WDR59: variants seen among roughly 807,000 people sequenced by gnomAD.
WDR59 encodes the protein GATOR2 complex protein WDR59.
In WDR59, 100 loss-of-function variants were observed where a neutral mutation model predicts 131.2. That is an observed-to-expected ratio of 0.76 (90% CI 0.65 to 0.90). The LOEUF is 0.90. WDR59 is among the 40% of genes least tolerant of loss of function. The probability of loss-of-function intolerance (pLI) is 0.00; values close to 1 mark genes in which losing one functional copy is unlikely to be tolerated. For synonymous variants in WDR59, 601 were observed against 466.2 expected, an observed-to-expected ratio of 1.29 and a Z score of -3.72; for missense variants, 1,203 against 1,262.2, an observed-to-expected ratio of 0.95 and a Z score of 0.71.
chr16:74,946,542 T>C (rs1240731949), intron 6 of WDR59, among the ~76,000 whole-genome samples: 1 of 151,864 alleles, frequency 6.6e-6, no homozygotes, highest in Non-Finnish European at 1.5e-5. Context: ...GCCAACAAGG[T>C]AAAACCCTGT....
At chr16:74,877,589 G>A (rs1185485785) in intron 25 of WDR59, among the ~76,000 whole-genome samples, 1 of 152,106 alleles carries the variant, frequency 6.6e-6, no homozygotes, top group Non-Finnish European at 1.5e-5. Context: ...TTGTCACCCA[G>A]GCTGGAGTGC....
rs368015995 is a variant in WDR59, at chr16:74,909,676, C to A, written c.1486-19G>T. 1.2e-5 allele frequency: 19 copies of A among 1,553,402 alleles called. No individual in the cohort carries two copies. Among genetic ancestry groups the A allele is most frequent in the Non-Finnish European group, 1.6e-5 (18 of 1,151,928 alleles). Reference sequence around the variant, plus strand: ...CCTGGTTCTGAAATTTAAAAATCCACAAGCTAAAAACCACAACCTGTCTTA... The same window carrying A: ...CCTGGTTCTGAAATTTAAAAATCCAAAAGCTAAAAACCACAACCTGTCTTA... On this transcript the variant is annotated intron_variant, in intron 15 of 25. Transcript: ENST00000262144.
chr16:74,984,775 C>T, intron 1 of WDR59, 189 bp downstream of exon 1: 1 of 738,224 alleles, frequency 1.4e-6, no homozygotes, highest in Non-Finnish European at 2.2e-6. Flanking sequence ...CGTCCATGCT[C>T]GCCCCGATTG....
At chr16:74,977,682 T>C (rs952434618) in intron 1 of WDR59, among the ~76,000 whole-genome samples, 3 of 152,180 alleles carry the variant, frequency 2.0e-5, no homozygotes, top group African/African-American at 7.2e-5. Flanking sequence ...AGCAAGATTC[T>C]GTCTCAAAAA....
At position 74,889,366 on chromosome 16, in the gene WDR59, G is replaced by A. The variant is rs553849374; in HGVS notation, c.2195+337C>T. Among the ~76,000 whole-genome samples the A allele has an allele frequency of 6.6e-5, 10 of 152,176 alleles. No individual in the cohort carries two copies. The South Asian group carries it at 2.1e-3, about 32-fold the overall frequency. On this transcript the variant is annotated intron_variant, in intron 21 of 25. Coordinates refer to ENST00000262144, the MANE Select transcript of WDR59 (RefSeq NM_030581.4). The stretch of plus-strand genomic sequence containing the variant: ...TTCTCTAATCCATTCTCAAGGGTGA[G>A]ACCCTAGAGCTTTCAAGAAGAAACT...
At chr16:74,934,336 TG>T (rs1465342542) in intron 8 of WDR59, among the ~76,000 whole-genome samples, 2 of 152,150 alleles carry the variant, frequency 1.3e-5, no homozygotes, top group African/African-American at 4.8e-5. Flanking sequence ...AGAAAGATTT[TG>T]TTTCTAGATT....
intron 5 of WDR59, 92 bp from the exon 6 acceptor site, chr16:74,948,648 C>T (rs555209518): frequency 4.6e-6 from 5 of 1,090,982 alleles, no homozygotes; most frequent in Non-Finnish European, 7.0e-6. Context: ...CTTCGCTTTC[C>T]TTTCAGTGGG....
intron 2 of WDR59, among the ~76,000 whole-genome samples, chr16:74,957,215 G>A (rs1446523561): frequency 6.6e-6 from 1 of 151,574 alleles, no homozygotes; most frequent in Non-Finnish European, 1.5e-5. Flanking sequence ...CGGGTAGCTG[G>A]GATTACAGGC....
At chr16:74,956,401 A>G in intron 3 of WDR59, 74 bp downstream of exon 3, 2 of 1,560,930 alleles carry the variant, frequency 1.3e-6, no homozygotes, top group Non-Finnish European at 1.7e-6. Context: ...TCTCTTCTCT[A>G]CACAGGGCAT....
intron 13 of WDR59, among the ~76,000 whole-genome samples, chr16:74,913,100 T>C (rs1250300317): frequency 2.7e-5 from 4 of 149,620 alleles, no homozygotes; most frequent in African/African-American, 9.9e-5. Flanking sequence ...TCCCAACATG[T>C]CCCCCTTCTT....
At chr16:74,957,292 G>A (rs878928768) in intron 2 of WDR59, among the ~76,000 whole-genome samples, 4 of 151,926 alleles carry the variant, frequency 2.6e-5, no homozygotes, top group African/African-American at 9.7e-5. Flanking sequence ...TGTTGGCCAG[G>A]CTGATCTCGA....
At chr16:74,886,049 G>A in intron 24 of WDR59, 2 of 663,266 alleles carry the variant, frequency 3.0e-6, no homozygotes, top group Middle Eastern at 4.3e-4. Context: ...ATGGTGGCGT[G>A]TGCCTGTAAT....
rs574040082 is a variant in WDR59 at position 74,902,963 on chromosome 16, C to T, written c.1866+984G>A. Among the ~76,000 whole-genome samples, 3 of 151,952 alleles carry T rather than the reference C, an allele frequency of 2.0e-5. No individual in the cohort carries two copies. The South Asian group carries it at 6.2e-4, about 32-fold the overall frequency. On this transcript the variant is annotated intron_variant, in intron 18 of 25. Coordinates refer to ENST00000262144, the MANE Select transcript of WDR59 (RefSeq NM_030581.4). ...TTCCCTATTCAACTAAATGGTTTTG[C>T]TCAAGACTGGTCTGGTCTCAAACAC...
At chr16:74,972,365 G>A (rs921769041) in intron 1 of WDR59, among the ~76,000 whole-genome samples, 4 of 152,118 alleles carry the variant, frequency 2.6e-5, no homozygotes, top group Admixed American at 6.6e-5. Flanking sequence ...ATTTCTTGGT[G>A]AGTCAACTTC....
chr16:74,981,660 A>ATATATATATATATATATT (rs1567451007), intron 1 of WDR59, among the ~76,000 whole-genome samples: 1 of 80,864 alleles, frequency 1.2e-5, no homozygotes, highest in African/African-American at 7.4e-5. Flanking sequence ...ATATATATAT[A>ATATATATATATATATATT]TTTTTTTTTT....
At chr16:74,920,962 G>A (rs1224692197) in intron 10 of WDR59, among the ~76,000 whole-genome samples, 2 of 151,944 alleles carry the variant, frequency 1.3e-5, no homozygotes, top group East Asian at 3.9e-4. Context: ...CGGGGCTCTT[G>A]GCATCGTTTT....
intron 18 of WDR59, chr16:74,899,875 T>C (rs952169326): frequency 1.4e-6 from 1 of 725,046 alleles, no homozygotes; most frequent in Non-Finnish European, 2.0e-6. Context: ...TGTACCATAA[T>C]ACACTGTACA....
chr16:74,945,815 C>CTTT (rs777336166), intron 6 of WDR59, among the ~76,000 whole-genome samples: 2 of 133,016 alleles, frequency 1.5e-5, no homozygotes, highest in Non-Finnish European at 3.2e-5. Flanking sequence ...ATTCACATAA[C>CTTT]TTTTTTTTTT....
Position 74,971,211 on chromosome 16 carries a change from C to A in WDR59, c.55-5389G>T, listed in dbSNP as rs142351665. Among the ~76,000 whole-genome samples the A allele has an allele frequency of 7.9e-3, 1,209 of 152,146 alleles. 5 individuals carry two copies. The highest frequency in any genetic ancestry group is 0.013 in the Non-Finnish European group (893 of 68,014). ...TTTATCACCCACGAGTTTATCTAAACTTTTAAAGTTCATTCGTTTCGTTAA... is the reference window on the plus strand; with the variant it reads ...TTTATCACCCACGAGTTTATCTAAAATTTTAAAGTTCATTCGTTTCGTTAA... On this transcript the variant is annotated intron_variant, in intron 1 of 25. Coordinates refer to ENST00000262144, the MANE Select transcript of WDR59 (RefSeq NM_030581.4).
Sources: gnomAD v4.1 joint callset for allele counts (sites outside exome capture counted in the v4.1 genomes callset) on GRCh38, gnomAD v4.1.1 for gene constraint, MANE v1.5 for transcripts, NCBI Gene and HGNC (gene_info 2026-07-23, HGNC 2026-07-21) for gene names.